The following ASTN2 variants were observed in gnomAD, a reference collection of about 807,000 sequenced individuals.
The protein encoded by ASTN2 is astrotactin-2.
In ASTN2, 54 loss-of-function variants were observed where a neutral mutation model predicts 139.8. The observed-to-expected ratio is 0.39, with a 90% CI of 0.31 to 0.48. ASTN2 has a LOEUF of 0.48. ASTN2 is among the 20% of genes least tolerant of loss of function. ASTN2 has a pLI of 0.95. For missense variants in ASTN2, 1,565 were observed against 1,725.1 expected, an observed-to-expected ratio of 0.91 and a Z score of 1.64; for synonymous variants, 756 against 719.5, an observed-to-expected ratio of 1.05 and a Z score of -0.81.
chr9:116,430,943 T>C (rs1279227209), intron 22 of ASTN2, among the ~76,000 whole-genome samples: 3 of 152,228 alleles, frequency 2.0e-5, no homozygotes, highest in Non-Finnish European at 4.4e-5. Context: ...GGGGAAATCA[T>C]AGGTCAGTGA....
At position 117,331,715 on chromosome 9, in the gene ASTN2, T is replaced by C. The variant is rs146519398; in HGVS notation, c.443-40202A>G. Among the ~76,000 whole-genome samples the C allele has an allele frequency of 2.0e-3, 302 of 152,320 alleles. 1 individual carries two copies. Among genetic ancestry groups the C allele is most frequent in the African/African-American group, 6.9e-3 (285 of 41,576 alleles). On this transcript the variant is annotated intron_variant, in intron 1 of 22. Transcript: ENST00000313400. ...CCTTCTCTATCAGAACTTTTGACTC[T>C]GATAGCAGCTTGTGAAGATTAAAAC...
intron 2 of ASTN2, among the ~76,000 whole-genome samples, chr9:117,263,931 C>T (rs1027349866): frequency 6.6e-6 from 1 of 152,098 alleles, no homozygotes; most frequent in Non-Finnish European, 1.5e-5. Context: ...CATTGGGAGG[C>T]TGAGACAGGT....
intron 3 of ASTN2, among the ~76,000 whole-genome samples, chr9:117,192,300 T>C (rs1363501046): frequency 6.6e-6 from 1 of 151,842 alleles, no homozygotes; most frequent in African/African-American, 2.4e-5. Flanking sequence ...GATGGCCTTG[T>C]GAACTCCACC....
chr9:116,664,144 T>A (rs1476689988), intron 16 of ASTN2, among the ~76,000 whole-genome samples: 3 of 152,140 alleles, frequency 2.0e-5, no homozygotes, highest in Non-Finnish European at 4.4e-5. Flanking sequence ...GGGTACTATA[T>A]ACCTAAAAAT....
intron 16 of ASTN2, among the ~76,000 whole-genome samples, chr9:116,683,141 A>G (rs1859992633): frequency 6.6e-6 from 1 of 152,066 alleles, no homozygotes. Flanking sequence ...TCTTTAACGG[A>G]TGGTTTTATA....
chr9:116,953,573 C>T (rs1411805266), intron 10 of ASTN2, among the ~76,000 whole-genome samples: 1 of 152,184 alleles, frequency 6.6e-6, no homozygotes, highest in African/African-American at 2.4e-5. Context: ...AGGCAGCTGT[C>T]CAACAAGAAT....
At chr9:116,620,526 A>T in intron 17 of ASTN2, 83 bp from the exon 18 acceptor site, 1 of 1,554,270 alleles carries the variant, frequency 6.4e-7, no homozygotes, top group Non-Finnish European at 8.8e-7. Flanking sequence ...CCATGATGTG[A>T]GCCATCGAGG....
At chr9:117,064,263 T>C (rs970872261) in intron 5 of ASTN2, among the ~76,000 whole-genome samples, 2 of 152,136 alleles carry the variant, frequency 1.3e-5, no homozygotes, top group Non-Finnish European at 2.9e-5. Context: ...TGGCCAGTGC[T>C]TCCTCCAAGC....
chr9:116,869,942 ATTT>A (rs11291817), intron 10 of ASTN2, among the ~76,000 whole-genome samples: 13 of 142,450 alleles, frequency 9.1e-5, no homozygotes, highest in African/African-American at 1.3e-4. Flanking sequence ...CATTTCTATA[ATTT>A]TTTTTTTTTT....
intron 1 of ASTN2, among the ~76,000 whole-genome samples, chr9:117,387,265 T>C (rs1830424215): frequency 6.6e-6 from 1 of 152,184 alleles, no homozygotes; most frequent in African/African-American, 2.4e-5. Flanking sequence ...CTTCAACAAA[T>C]ATCTTTTTAA....
intron 4 of ASTN2, among the ~76,000 whole-genome samples, chr9:117,120,022 A>G (rs71495200): frequency 0.28 from 11,742 of 42,124 alleles, 725 homozygotes; most frequent in Non-Finnish European, 0.37. Flanking sequence ...GTGTGTGTAT[A>G]TATATATATA....
At chr9:117,018,309 C>T (rs1291155115) in intron 6 of ASTN2, among the ~76,000 whole-genome samples, 2 of 152,130 alleles carry the variant, frequency 1.3e-5, no homozygotes, top group African/African-American at 4.8e-5. Context: ...AGGGTCTACC[C>T]TTTTGTATGA....
At chr9:116,751,502 C>T (rs1829401830) in intron 13 of ASTN2, among the ~76,000 whole-genome samples, 1 of 151,924 alleles carries the variant, frequency 6.6e-6, no homozygotes, top group Admixed American at 6.6e-5. Context: ...CAGCATGGCA[C>T]CTGACACATT....
At chr9:117,310,489 C>A (rs576390560) in intron 1 of ASTN2, among the ~76,000 whole-genome samples, 4 of 152,284 alleles carry the variant, frequency 2.6e-5, no homozygotes, top group Non-Finnish European at 4.4e-5. Context: ...TCATGCAGGG[C>A]AGGCCAGAAA....
At chr9:116,980,362 G>A (rs183734020) in intron 7 of ASTN2, among the ~76,000 whole-genome samples, 3 of 151,166 alleles carry the variant, frequency 2.0e-5, no homozygotes, top group Non-Finnish European at 4.4e-5. Flanking sequence ...ACCTGCAAAT[G>A]TACCCCCTAT....
chr9:116,854,903 C>T (rs946841764), intron 11 of ASTN2, among the ~76,000 whole-genome samples: 7 of 151,974 alleles, frequency 4.6e-5, no homozygotes, highest in Admixed American at 3.9e-4. Flanking sequence ...CCGCCTACCT[C>T]GGCCTCCCAA....
chr9:116,426,997 T>A (rs1363841900), intron 22 of ASTN2, among the ~76,000 whole-genome samples: 1 of 152,090 alleles, frequency 6.6e-6, no homozygotes, highest in Non-Finnish European at 1.5e-5. Flanking sequence ...ATGGAGGACA[T>A]CATTAAGAAC....
intron 19 of ASTN2, among the ~76,000 whole-genome samples, chr9:116,519,202 T>C (rs949095059): frequency 2.0e-5 from 3 of 152,092 alleles, no homozygotes; most frequent in Non-Finnish European, 4.4e-5. Flanking sequence ...CTGCAGAATA[T>C]ACATTCTATT....
intron 10 of ASTN2, among the ~76,000 whole-genome samples, chr9:116,934,423 C>T (rs1234862186): frequency 6.6e-6 from 1 of 152,100 alleles, no homozygotes; most frequent in Non-Finnish European, 1.5e-5. Flanking sequence ...CCAAGTAAGC[C>T]CGGAAGCATA....
Sources: gnomAD v4.1 joint callset for allele counts (sites outside exome capture counted in the v4.1 genomes callset) on GRCh38, gnomAD v4.1.1 for gene constraint, MANE v1.5 for transcripts, NCBI Gene and HGNC (gene_info 2026-07-23, HGNC 2026-07-21) for gene names.